Variants in NNT observed in about 807,000 individuals in gnomAD.
NNT encodes the protein NAD(P) transhydrogenase, mitochondrial.
Under a neutral mutation model 104.8 loss-of-function variants are expected in NNT, and 50 were observed. The ratio of observed to expected loss-of-function variants is 0.48; its 90% CI spans 0.38 to 0.60. The LOEUF (loss-of-function observed/expected upper bound fraction) is 0.60, where lower values mean the gene tolerates loss of function less well. NNT is among the 20% of genes least tolerant of loss of function. NNT has a pLI of 0.00. For missense variants in NNT, 1,131 were observed against 1,330.7 expected (o/e 0.85, Z 2.33); for synonymous variants, 461 against 490.4 (o/e 0.94, Z 0.79).
At chr5:43,642,172 C>T (rs907598605) in intron 7 of NNT, among the ~76,000 whole-genome samples, 27 of 152,142 alleles carry the variant, frequency 1.8e-4, no homozygotes, top group African/African-American at 6.0e-4. Flanking sequence ...CTGTGCTAAA[C>T]AACAGCTGAT....
chr5:43,639,482 T>G (rs925105402), intron 7 of NNT, among the ~76,000 whole-genome samples: 5 of 152,138 alleles, frequency 3.3e-5, no homozygotes, highest in Non-Finnish European at 5.9e-5. Flanking sequence ...AAACTATAAT[T>G]CAAATTTTTA....
chr5:43,646,891 A>G (rs1739476309), intron 10 of NNT, among the ~76,000 whole-genome samples: 1 of 152,220 alleles, frequency 6.6e-6, no homozygotes, highest in Admixed American at 6.5e-5. Context: ...TCATCTTTAC[A>G]AAAACACTAA....
rs151031502 is a variant in NNT at position 43,662,566 on chromosome 5, T to A, written c.2634+3216T>A. Among the ~76,000 whole-genome samples, 12 of 152,112 alleles carry A rather than the reference T, an allele frequency of 7.9e-5. No individual in the cohort carries two copies. The East Asian group carries it at 2.3e-3, about 29-fold the overall frequency. ...ATATCATATTGGGTCAGATTAATAA[T>A]TCGGATTCAAGAACAGTTTAAGTTT... On this transcript the variant is annotated intron_variant, in intron 17 of 21. Coordinates refer to ENST00000344920, the MANE Select transcript of NNT (RefSeq NM_182977.3).
At chr5:43,673,618 C>G (rs56943522) in intron 17 of NNT, among the ~76,000 whole-genome samples, 1 of 152,280 alleles carries the variant, frequency 6.6e-6, no homozygotes, top group African/African-American at 2.4e-5. Context: ...TTTGGGACGT[C>G]TCAGATGTGG....
intron 1 of NNT, among the ~76,000 whole-genome samples, chr5:43,606,428 C>T (rs979227468): frequency 6.6e-6 from 1 of 152,152 alleles, no homozygotes; most frequent in Non-Finnish European, 1.5e-5. Flanking sequence ...TCTTTATTCT[C>T]AGCCATGATA....
At chr5:43,652,013 C>T in intron 13 of NNT, 129 bp downstream of exon 13, 2 of 974,208 alleles carry the variant, frequency 2.1e-6, no homozygotes, top group Non-Finnish European at 3.0e-6. Flanking sequence ...CAACAATAAC[C>T]CTAGAAACAT....
intron 13 of NNT, 82 bp downstream of exon 13, chr5:43,651,966 C>A: frequency 7.0e-7 from 1 of 1,432,212 alleles, no homozygotes; most frequent in South Asian, 1.3e-5. Context: ...TATCCTAATT[C>A]AAAGTATCGA....
At chr5:43,611,579 C>G (rs111420452) in intron 2 of NNT, among the ~76,000 whole-genome samples, 2 of 152,142 alleles carry the variant, frequency 1.3e-5, no homozygotes. Flanking sequence ...GAGTAAGATT[C>G]AGCATTATTT....
intron 19 of NNT, among the ~76,000 whole-genome samples, chr5:43,680,963 A>C (rs34571724): frequency 6.6e-6 from 1 of 152,054 alleles, no homozygotes; most frequent in South Asian, 2.1e-4. Context: ...GGCAGAGATA[A>C]TGTTCCCATT....
chr5:43,688,115 T>C (rs1742076744), intron 19 of NNT, among the ~76,000 whole-genome samples: 1 of 152,190 alleles, frequency 6.6e-6, no homozygotes, highest in South Asian at 2.1e-4. Flanking sequence ...AGTGTCTATA[T>C]CTGAATCCCC....
intron 5 of NNT, among the ~76,000 whole-genome samples, chr5:43,623,783 A>G (rs1248585880): frequency 1.3e-5 from 2 of 152,146 alleles, no homozygotes; most frequent in East Asian, 1.9e-4. Context: ...TTATTAGGCT[A>G]TTTTTAGTGA....
intron 17 of NNT, among the ~76,000 whole-genome samples, chr5:43,671,424 G>C (rs1023340325): frequency 2.0e-5 from 3 of 152,202 alleles, no homozygotes; most frequent in African/African-American, 7.2e-5. Context: ...GCTGGTACTG[G>C]TTGTTCCTTT....
intron 17 of NNT, among the ~76,000 whole-genome samples, chr5:43,670,618 C>G (rs1205242937): frequency 6.6e-6 from 1 of 152,202 alleles, no homozygotes; most frequent in Non-Finnish European, 1.5e-5. Flanking sequence ...ATCCTGAGTT[C>G]TAGTGTGATT....
At chr5:43,690,344 C>T (rs1244867870) in intron 19 of NNT, among the ~76,000 whole-genome samples, 1 of 152,006 alleles carries the variant, frequency 6.6e-6, no homozygotes, top group African/African-American at 2.4e-5. Flanking sequence ...TTTGTTACAG[C>T]AGCAATATGA....
chr5:43,695,926 C>T (rs778967335), intron 19 of NNT, among the ~76,000 whole-genome samples: 5 of 152,146 alleles, frequency 3.3e-5, no homozygotes, highest in African/African-American at 7.2e-5. Flanking sequence ...ATTCAGTTAC[C>T]TCCCACTGGG....
rs1720837077 is a variant in NNT at position 43,706,046 on chromosome 5, C to T, written c.*1642C>T. ...TCAGTTTAAACTAAAAATAATCATA[C>T]TTGGATTTTATTTATTTTTGTCATA... On this transcript the variant is annotated 3_prime_UTR_variant, in exon 22 of 22. Coordinates refer to ENST00000344920, the MANE Select transcript of NNT (RefSeq NM_182977.3). The T allele has an allele frequency of 6.6e-6, 1 of 151,592 alleles. No homozygotes were observed. The highest frequency in any genetic ancestry group is 6.6e-5 in the Admixed American group (1 of 15,200). The allele number at this position is 151,592 out of a possible 1,614,324, so 9.4% of individuals were successfully genotyped here. A position where few individuals can be genotyped will look rare whatever the true frequency, so the allele number is the denominator to read the frequency against.
intron 17 of NNT, among the ~76,000 whole-genome samples, chr5:43,672,330 G>T (rs1467840109): frequency 1.3e-5 from 2 of 152,222 alleles, no homozygotes; most frequent in Non-Finnish European, 2.9e-5. Flanking sequence ...CTGGCGAGGA[G>T]CTGCGTTCCT....
rs146506534 is a variant in NNT, at chr5:43,694,704, G to A, written c.2877-5415G>A. Among the ~76,000 whole-genome samples the A allele has an allele frequency of 2.6e-3, 392 of 150,736 alleles. 8 individuals carry two copies. Among genetic ancestry groups the A allele is most frequent in the Admixed American group, 0.018 (280 of 15,170 alleles). ...TGCAGGTATTTTGTTGAGGATTTTT[G>A]CATCAATGTTCATCAAGGATATTGG... On this transcript the variant is annotated intron_variant, in intron 19 of 21. Transcript: ENST00000344920.
chr5:43,622,865 GT>G (rs36088911), intron 5 of NNT, among the ~76,000 whole-genome samples: 5,269 of 138,446 alleles, frequency 0.038, 109 homozygotes, highest in East Asian at 0.12. Context: ...TTAAATTATG[GT>G]TTTTTTTTTT....
Sources: gnomAD v4.1 joint callset for allele counts (sites outside exome capture counted in the v4.1 genomes callset) on GRCh38, gnomAD v4.1.1 for gene constraint, MANE v1.5 for transcripts, NCBI Gene and HGNC (gene_info 2026-07-23, HGNC 2026-07-21) for gene names.